The following NAT1 variants were observed in gnomAD, a reference collection of about 807,000 sequenced individuals.
The protein encoded by NAT1 is arylamine N-acetyltransferase 1.
For missense variants in NAT1, 400 were observed against 339.2 expected, an observed-to-expected ratio of 1.18 and a Z score of -1.41; for synonymous variants, 144 against 122.6, an observed-to-expected ratio of 1.17 and a Z score of -1.16.
chr8:18,221,927 T>A, intron 2 of NAT1, 115 bp from the exon 3 acceptor site: 2 of 1,125,322 alleles, frequency 1.8e-6, no homozygotes, highest in Non-Finnish European at 2.5e-6. Flanking sequence ...TAGAAATAAT[T>A]ATTATACTTA....
At chr8:18,204,638 C>T (rs1202232928) in intron 2 of NAT1, among the ~76,000 whole-genome samples, 1 of 152,092 alleles carries the variant, frequency 6.6e-6, no homozygotes, top group Non-Finnish European at 1.5e-5. Flanking sequence ...TGATTTTTAT[C>T]TACGAATACA....
chr8:18,171,038 T>G (rs1198491600), intron 2 of NAT1, among the ~76,000 whole-genome samples: 1 of 152,178 alleles, frequency 6.6e-6, no homozygotes. Context: ...GTTAAAGGCC[T>G]TGGGGTAGGT....
At chr8:18,193,234 C>T (rs1241774809) in intron 2 of NAT1, among the ~76,000 whole-genome samples, 2 of 150,096 alleles carry the variant, frequency 1.3e-5, no homozygotes, top group Non-Finnish European at 3.0e-5. Flanking sequence ...TGTGCCACCA[C>T]ACCTGGCTAA....
At chr8:18,184,713 C>G (rs903432297) in intron 2 of NAT1, among the ~76,000 whole-genome samples, 10 of 152,204 alleles carry the variant, frequency 6.6e-5, no homozygotes, top group South Asian at 2.1e-4. Context: ...GTGTTTAGGT[C>G]ATGAGGCCTC....
chr8:18,213,818 C>CTT (rs768875808), intron 1 of NAT1, among the ~76,000 whole-genome samples: 22 of 142,928 alleles, frequency 1.5e-4, no homozygotes, highest in Admixed American at 3.5e-4. Flanking sequence ...CGTCATATTT[C>CTT]TTTTTTTTTT....
At chr8:18,210,806 G>T (rs996862791) in intron 1 of NAT1, among the ~76,000 whole-genome samples, 2 of 152,136 alleles carry the variant, frequency 1.3e-5, no homozygotes, top group African/African-American at 4.8e-5. Flanking sequence ...GCAGAGCCTT[G>T]CCCCATTGCC....
At chr8:18,197,856 C>A (rs986943272) in intron 2 of NAT1, among the ~76,000 whole-genome samples, 13 of 149,814 alleles carry the variant, frequency 8.7e-5, no homozygotes, top group Admixed American at 8.6e-4. Context: ...GGGGGATCTG[C>A]TAGAGGGATG....
At chr8:18,209,267 G>A (rs942483056), upstream of NAT1, among the ~76,000 whole-genome samples, 2 of 152,230 alleles carry the variant, frequency 1.3e-5, no homozygotes, top group African/African-American at 4.8e-5. Flanking sequence ...GTGGCAGGAC[G>A]CCAGAGGCAT....
intron 2 of NAT1, among the ~76,000 whole-genome samples, chr8:18,174,431 G>A (rs1388284326): frequency 6.6e-6 from 1 of 152,030 alleles, no homozygotes; most frequent in Non-Finnish European, 1.5e-5. Flanking sequence ...GTAAAGTAAA[G>A]TTCCTACTGT....
At chr8:18,193,004 A>G (rs1803067284) in intron 2 of NAT1, among the ~76,000 whole-genome samples, 2 of 145,994 alleles carry the variant, frequency 1.4e-5, no homozygotes, top group South Asian at 4.3e-4. Context: ...AATAAAAAAT[A>G]AAATAAAATA....
chr8:18,185,645 A>C (rs1348376654), intron 2 of NAT1, among the ~76,000 whole-genome samples: 2 of 151,980 alleles, frequency 1.3e-5, no homozygotes, highest in African/African-American at 4.8e-5. Flanking sequence ...AATTTCCACT[A>C]TCTTTATTCT....
intron 2 of NAT1, among the ~76,000 whole-genome samples, chr8:18,189,061 G>A (rs889511190): frequency 6.6e-6 from 1 of 150,682 alleles, no homozygotes; most frequent in Non-Finnish European, 1.5e-5. Flanking sequence ...TATCACATCT[G>A]CAGAGTATTT....
intron 2 of NAT1, among the ~76,000 whole-genome samples, chr8:18,221,297 T>G (rs77167559): frequency 7.2e-6 from 1 of 139,628 alleles, no homozygotes; most frequent in Non-Finnish European, 1.6e-5. Context: ...TTAGCGAGTG[T>G]TTTTTTTTTG....
At chr8:18,221,953 T>C in intron 2 of NAT1, 89 bp from the exon 3 acceptor site, 4 of 1,307,524 alleles carry the variant, frequency 3.1e-6, no homozygotes, top group Non-Finnish European at 4.2e-6. Context: ...ATTGTATTTT[T>C]ACATGTTTAA....
chr8:18,213,164 G>A (rs1488623220), intron 1 of NAT1, among the ~76,000 whole-genome samples: 1 of 151,164 alleles, frequency 6.6e-6, no homozygotes, highest in Non-Finnish European at 1.5e-5. Context: ...CACTCGCCTC[G>A]GCCTCCCAAA....
chr8:18,181,297 A>T (rs1802506496), intron 2 of NAT1, among the ~76,000 whole-genome samples: 1 of 152,024 alleles, frequency 6.6e-6, no homozygotes, highest in Non-Finnish European at 1.5e-5. Flanking sequence ...AATTTCTAAG[A>T]TTTTTTTGCA....
intron 2 of NAT1, among the ~76,000 whole-genome samples, chr8:18,220,116 T>C (rs1319474444): frequency 6.6e-6 from 1 of 152,182 alleles, no homozygotes; most frequent in Non-Finnish European, 1.5e-5. Flanking sequence ...AGAGAGGGGT[T>C]GGCATTGTCT....
At chr8:18,192,269 G>A (rs1290595646) in intron 2 of NAT1, among the ~76,000 whole-genome samples, 3 of 152,300 alleles carry the variant, frequency 2.0e-5, no homozygotes, top group Middle Eastern at 3.4e-3. Flanking sequence ...TCACAGAAAT[G>A]CAAATCAAAA....
chr8:18,219,470 C>T lies in NAT1; in HGVS notation c.-26C>T. The T allele has an allele frequency of 6.5e-7, 1 of 1,550,024 alleles. No individual in the cohort carries two copies. ...TGGATTAAAACTGAAGATCAACCTA[C>T]TTTCAACTTACTAAGAAAGGTATTA... On this transcript the variant is annotated 5_prime_UTR_variant, in exon 2 of 3. Transcript: ENST00000307719.
Sources: gnomAD v4.1 joint callset for allele counts (sites outside exome capture counted in the v4.1 genomes callset) on GRCh38, gnomAD v4.1.1 for gene constraint, MANE v1.5 for transcripts, NCBI Gene and HGNC (gene_info 2026-07-23, HGNC 2026-07-21) for gene names.